PTGDR: variants seen among roughly 807,000 people sequenced by gnomAD.
PTGDR encodes the protein prostaglandin D2 receptor, also known as PGD2 receptor.
Under a neutral mutation model 17.4 loss-of-function variants are expected in PTGDR, and 19 were observed. The observed-to-expected ratio is 1.09, with a 90% CI of 0.76 to 1.60. PTGDR has a LOEUF of 1.60. PTGDR is among the 40% of genes most tolerant of loss of function. The pLI, the probability that PTGDR is intolerant of heterozygous loss-of-function variation, is 0.00. For synonymous variants in PTGDR, 267 were observed against 224.2 expected (o/e 1.19, Z -1.71); for missense variants, 526 against 481.9 (o/e 1.09, Z -0.86).
At chr14:52,269,583 C>T in intron 1 of PTGDR, 3 of 1,427,510 alleles carry the variant, frequency 2.1e-6, no homozygotes, top group Non-Finnish European at 2.8e-6. Flanking sequence ...AATTCCATTG[C>T]CAATCCCACG....
intron 1 of PTGDR, among the ~76,000 whole-genome samples, chr14:52,271,348 CTTT>C (rs1566482895): frequency 6.6e-6 from 1 of 151,820 alleles, no homozygotes; most frequent in Non-Finnish European, 1.5e-5. Context: ...GGCTCTGAAA[CTTT>C]TTTTTGGTCT....
intron 1 of PTGDR, among the ~76,000 whole-genome samples, chr14:52,273,904 T>G (rs1335113802): frequency 6.6e-6 from 1 of 152,130 alleles, no homozygotes; most frequent in Non-Finnish European, 1.5e-5. Flanking sequence ...GTTGTGCTGA[T>G]CTAGAGATCA....
rs2033231905 is a variant in PTGDR, at chr14:52,267,905, C to T, written c.91C>T (p.Leu31Phe). The T allele has an allele frequency of 6.2e-7, 1 of 1,610,150 alleles. No individual in the cohort carries two copies. Among genetic ancestry groups the T allele is most frequent in the Non-Finnish European group, 8.5e-7 (1 of 1,178,548 alleles). The change falls in exon 1 of 2, where the codon CTC becomes TTC. Residue 31 changes from leucine to phenylalanine, a missense_variant. Physicochemically the swap from Leu to Phe is conservative, Grantham distance 22 (BLOSUM62 0). Coordinates refer to ENST00000306051, the MANE Select transcript of PTGDR (RefSeq NM_000953.3). Reference sequence around the variant, plus strand: ...GGGCGGGGTGCTCTTCAGCACCGGCCTCCTGGGCAACCTGCTGGCCCTGGG... The same window carrying T: ...GGGCGGGGTGCTCTTCAGCACCGGCTTCCTGGGCAACCTGCTGGCCCTGGG... ...VMGGVLFSTGLLGNLLALGLL... is the reference protein window; with the variant it reads ...VMGGVLFSTGFLGNLLALGLL...
Position 52,271,280 on chromosome 14 carries a change from T to TA in PTGDR, c.846+2629dup, listed in dbSNP as rs199579992. On this transcript the variant is annotated intron_variant, in intron 1 of 1. Coordinates refer to ENST00000306051, the MANE Select transcript of PTGDR (RefSeq NM_000953.3). ...ATGTATTATTGTTGCCTGCTGGACA[T>TA]AAAAAAAAATCAAGAACGATTATCG... is the stretch of plus-strand genomic sequence containing the variant. 2.4e-4 allele frequency among the ~76,000 whole-genome samples: 37 copies of TA among 151,730 alleles called. 1 individual carries two copies. Among genetic ancestry groups the TA allele is most frequent in the Admixed American group, 6.6e-4 (10 of 15,232 alleles).
chr14:52,271,132 A>G (rs1811769384), intron 1 of PTGDR, among the ~76,000 whole-genome samples: 1 of 152,206 alleles, frequency 6.6e-6, no homozygotes, highest in Non-Finnish European at 1.5e-5. Context: ...GATTATAACC[A>G]TACTTGTTTT....
chr14:52,268,610 C>A lies in PTGDR; in HGVS notation c.796C>A (p.Leu266Met), dbSNP rs759247647. 14 of 1,606,402 alleles carry A rather than the reference C, an allele frequency of 8.7e-6. No homozygotes were observed. The highest frequency in any genetic ancestry group is 1.0e-5 in the Non-Finnish European group (12 of 1,176,986). The stretch of plus-strand genomic sequence containing the variant: ...CCTGGAGGAGCTGGATCACCTCCTG[C>A]TGCTGGCGCTGATGACCGTGCTCTT... ...QPLEELDHLLLLALMTVLFTM... is the reference protein window; with the variant it reads ...QPLEELDHLLMLALMTVLFTM... Residue 266 changes from leucine to methionine, a missense_variant, in exon 1 of 2, where the codon CTG becomes ATG. Physicochemically the swap from Leu to Met is conservative, Grantham distance 15. Coordinates refer to ENST00000306051, the MANE Select transcript of PTGDR (RefSeq NM_000953.3).
At chr14:52,277,670 T>C (rs2033446535), downstream of PTGDR, among the ~76,000 whole-genome samples, 1 of 152,180 alleles carries the variant, frequency 6.6e-6, no homozygotes, top group Non-Finnish European at 1.5e-5. Context: ...TTGCAGAGAA[T>C]AATCAGTAGT....
At chr14:52,280,033 G>A (rs2033470386), downstream of PTGDR, among the ~76,000 whole-genome samples, 1 of 152,014 alleles carries the variant, frequency 6.6e-6, no homozygotes, top group Non-Finnish European at 1.5e-5. Flanking sequence ...AAACTAGAAG[G>A]TAAAAATCAT....
chr14:52,274,929 T>C lies in PTGDR; in HGVS notation c.1045T>C (p.Cys349Arg), dbSNP rs1449982793. The C allele has an allele frequency of 4.4e-6, 7 of 1,595,498 alleles. No individual in the cohort carries two copies. Among genetic ancestry groups the C allele is most frequent in the Non-Finnish European group, 6.0e-6 (7 of 1,163,716 alleles). Residue 349 changes from cysteine (C) to arginine (R), a missense_variant, in exon 2 of 2, where the codon TGC becomes CGC. Cys to Arg is a radical substitution (Grantham distance 180, BLOSUM62 -3). Transcript: ENST00000306051. ...TAGACCTCTTAGGTACAGGAGCCGG[T>C]GCAGCAATTCCACTAACATGGAATC... ...FIRPLRYRSR[C>R]SNSTNMESSL
chr14:52,277,673 T>C (rs41315124), downstream of PTGDR, among the ~76,000 whole-genome samples: 4,811 of 152,274 alleles, frequency 0.032, 242 homozygotes, highest in African/African-American at 0.1. Flanking sequence ...CAGAGAATAA[T>C]CAGTAGTCCT....
In PTGDR at chr14:52,267,742, G is replaced by T. The variant is rs41311440; in HGVS notation, c.-73G>T. ...CGAGCCGCGCGCGGAGCTGCCGGGG[G>T]CTCCTTAGCACCCGGGCGCCGGGGC... On this transcript the variant is annotated 5_prime_UTR_variant, in exon 1 of 2. Coordinates refer to ENST00000306051, the MANE Select transcript of PTGDR (RefSeq NM_000953.3). The T allele has an allele frequency of 6.8e-7, 1 of 1,467,360 alleles. No homozygotes were observed. The allele number at this position is 1,467,360 out of a possible 1,614,324, so 90.9% of individuals were successfully genotyped here. A position where few individuals can be genotyped will look rare whatever the true frequency, so the allele number is the denominator to read the frequency against.
chr14:52,268,798 T>C, intron 1 of PTGDR, 138 bp downstream of exon 1: 3 of 934,120 alleles, frequency 3.2e-6, no homozygotes, highest in Non-Finnish European at 4.8e-6. Flanking sequence ...GCTGCTGAGT[T>C]CCCCAAATTG....
chr14:52,269,335 A>C, intron 1 of PTGDR: 2 of 829,288 alleles, frequency 2.4e-6, no homozygotes, highest in South Asian at 3.1e-5. Flanking sequence ...TGACAACCTG[A>C]CTTGACGGGT....
chr14:52,272,633 TCTATCCAGTCCACG>T (rs2033343183), intron 1 of PTGDR, among the ~76,000 whole-genome samples: 2 of 152,146 alleles, frequency 1.3e-5, no homozygotes, highest in African/African-American at 4.8e-5. Flanking sequence ...GATGCCCTCT[TCTATCCAGTCCACG>T]CACTGTAACA....
chr14:52,270,174 T>C (rs150648695), intron 1 of PTGDR, among the ~76,000 whole-genome samples: 1 of 152,326 alleles, frequency 6.6e-6, no homozygotes, highest in Non-Finnish European at 1.5e-5. Flanking sequence ...TGAGCTTCAA[T>C]TGAGCCAAAT....
rs900858637 is a variant in PTGDR, at chr14:52,269,636, A to T, written c.846+976A>T. The T allele has an allele frequency of 3.8e-6, 4 of 1,045,946 alleles. No individual in the cohort carries two copies. The African/African-American group carries it at 6.4e-5, about 17-fold the overall frequency. The allele number at this position is 1,045,946 out of a possible 1,614,324, so 64.8% of individuals were successfully genotyped here. The stretch of plus-strand genomic sequence containing the variant: ...CTTCTGTGAATAGGAAAGTTGTTAA[A>T]TTTCTTCTCAGAATGTAGCCATTTT... On this transcript the variant is annotated intron_variant, in intron 1 of 1. Transcript: ENST00000306051.
chr14:52,268,627 C>T lies in PTGDR; in HGVS notation c.813C>T (p.Thr271=), dbSNP rs755535443. 9 of 1,600,368 alleles carry T rather than the reference C, an allele frequency of 5.6e-6. No homozygotes were observed. The highest frequency in any genetic ancestry group is 4.5e-5 in the South Asian group (4 of 88,538). Residue 271 remains threonine, a synonymous_variant, in exon 1 of 2, where the codon ACC becomes ACT. Coordinates refer to ENST00000306051, the MANE Select transcript of PTGDR (RefSeq NM_000953.3). The part of the protein sequence containing the change: ...LDHLLLLALM[T]VLFTMCSLPV... ...ACCTCCTGCTGCTGGCGCTGATGACCGTGCTCTTCACTATGTGTTCTCTGC... is the reference window on the plus strand; with the variant it reads ...ACCTCCTGCTGCTGGCGCTGATGACTGTGCTCTTCACTATGTGTTCTCTGC...
downstream of PTGDR, among the ~76,000 whole-genome samples, chr14:52,277,969 A>T (rs143724312): frequency 7.2e-5 from 11 of 152,312 alleles, no homozygotes; most frequent in East Asian, 2.1e-3. Context: ...AATCCCTCAC[A>T]CCTGAACTTC....
At chr14:52,271,828 C>G (rs2033327831) in intron 1 of PTGDR, among the ~76,000 whole-genome samples, 1 of 152,140 alleles carries the variant, frequency 6.6e-6, no homozygotes, top group Admixed American at 6.5e-5. Flanking sequence ...TAGTTTTGAC[C>G]TACTGGACAC....
Sources: allele counts gnomAD v4.1 joint callset (sites outside exome capture counted in the v4.1 genomes callset), GRCh38; gene constraint gnomAD v4.1.1; transcripts MANE v1.5; gene names NCBI Gene and HGNC (gene_info 2026-07-23, HGNC 2026-07-21).